Variants in RBFOX1 observed in about 807,000 individuals in gnomAD.
RBFOX1 encodes the protein RNA binding fox-1 homolog 1.
In RBFOX1, 8 loss-of-function variants were observed where a neutral mutation model predicts 57.7. That is an observed-to-expected ratio of 0.14 (90% CI 0.08 to 0.25). The LOEUF (loss-of-function observed/expected upper bound fraction) is 0.25, where lower values mean the gene tolerates loss of function less well. RBFOX1 is among the 10% of genes least tolerant of loss of function. RBFOX1 has a pLI of 1.00. For synonymous variants in RBFOX1, 326 were observed against 222.4 expected (o/e 1.47, Z -4.15); for missense variants, 611 against 548.5 (o/e 1.11, Z -1.14).
In RBFOX1 at chr16:5,946,582, A is replaced by G. The variant is rs1359198903; in HGVS notation, c.351+79247A>G. Reference sequence around the variant, plus strand: ...TTTTCCAACTGGGTGTTCCTGAGTTATATCCTTTACGATATACCGGTAATA... The same window carrying G: ...TTTTCCAACTGGGTGTTCCTGAGTTGTATCCTTTACGATATACCGGTAATA... On this transcript the variant is annotated intron_variant, in intron 4 of 19. Coordinates refer to the RBFOX1 transcript ENST00000641259. This position sits in a 1 kb window ranked among gnomAD's most constrained non-coding sequence, Gnocchi z 4.6. Among the ~76,000 whole-genome samples, 3 of 152,120 alleles carry G rather than the reference A, an allele frequency of 2.0e-5. No individual in the cohort carries two copies. The East Asian group carries it at 5.8e-4, about 29-fold the overall frequency.
chr16:6,001,791 T>A (rs1274785295), intron 4 of RBFOX1, among the ~76,000 whole-genome samples: 1 of 152,046 alleles, frequency 6.6e-6, no homozygotes, highest in East Asian at 1.9e-4. Flanking sequence ...ATGAGGGTGG[T>A]GCACAGATGA....
intron 2 of RBFOX1, among the ~76,000 whole-genome samples, chr16:6,626,971 GCA>G (rs571432409): frequency 6.6e-4 from 100 of 152,258 alleles, no homozygotes; most frequent in African/African-American, 2.2e-3. Flanking sequence ...TATCCTCCAT[GCA>G]CAGTTTATAG....
intron 4 of RBFOX1, among the ~76,000 whole-genome samples, chr16:5,972,530 C>T (rs766642610): frequency 1.3e-5 from 2 of 152,144 alleles, no homozygotes; most frequent in Non-Finnish European, 2.9e-5. Flanking sequence ...GGAGTTGGCC[C>T]TTATGGCTAA....
intron 4 of RBFOX1, among the ~76,000 whole-genome samples, chr16:5,955,936 G>C (rs1307864936): frequency 6.6e-6 from 1 of 152,172 alleles, no homozygotes; most frequent in Admixed American, 6.5e-5. Context: ...AAATGTTGGT[G>C]AGGATATTTG....
In RBFOX1 at chr16:5,469,948, C is replaced by A. The variant is rs79361809; in HGVS notation, c.258+2694C>A. Among the ~76,000 whole-genome samples the A allele has an allele frequency of 9.9e-3, 1,511 of 152,242 alleles. 19 individuals carry two copies. The highest frequency in any genetic ancestry group is 0.035 in the African/African-American group (1,442 of 41,528). ...CCTTTTGTCTATTGCAAAGAGTGTG[C>A]CACCATAAACATTTGTGCCCATGTA... On this transcript the variant is annotated intron_variant, in intron 2 of 2. Transcript: ENST00000585867.
At chr16:7,242,733 C>A (rs144359746) in intron 4 of RBFOX1, among the ~76,000 whole-genome samples, 1 of 152,166 alleles carries the variant, frequency 6.6e-6, no homozygotes, top group Non-Finnish European at 1.5e-5. Flanking sequence ...TGAGTGGCCA[C>A]GTGCATGATG....
chr16:6,119,692 T>C (rs2096533932), intron 1 of RBFOX1, among the ~76,000 whole-genome samples: 1 of 152,210 alleles, frequency 6.6e-6, no homozygotes, highest in Non-Finnish European at 1.5e-5. Flanking sequence ...GTGGCTCAAA[T>C]CATTCCACAG....
In RBFOX1 at chr16:5,947,134, T is replaced by G. The variant is rs77165349; in HGVS notation, c.351+79799T>G. On this transcript the variant is annotated intron_variant, in intron 4 of 19. Coordinates refer to the RBFOX1 transcript ENST00000641259. This position sits in a 1 kb window ranked among gnomAD's most constrained non-coding sequence, Gnocchi z 7.2. ...AGGAGGCTGAGGTAGGAGGATCATG[T>G]GAACTCAGGAGGTTGAGGTTGCAGC... Among the ~76,000 whole-genome samples, 2,285 of 152,244 alleles carry G rather than the reference T, an allele frequency of 0.015. 48 individuals are homozygous for G. The highest frequency in any genetic ancestry group is 0.052 in the African/African-American group (2,164 of 41,528).
At chr16:5,890,182 G>A (rs1240349718) in intron 4 of RBFOX1, among the ~76,000 whole-genome samples, 1 of 152,154 alleles carries the variant, frequency 6.6e-6, no homozygotes, top group Non-Finnish European at 1.5e-5. Context: ...ATGTGCTTAA[G>A]TACGATACTG....
chr16:7,069,597 T>C (rs2056896429), intron 4 of RBFOX1, among the ~76,000 whole-genome samples: 1 of 152,194 alleles, frequency 6.6e-6, no homozygotes, highest in Admixed American at 6.5e-5. Context: ...TTTCACGGCC[T>C]GGGTAAGCAA....
At chr16:6,785,233 C>T (rs982234772) in intron 3 of RBFOX1, among the ~76,000 whole-genome samples, 1 of 152,100 alleles carries the variant, frequency 6.6e-6, no homozygotes, top group Non-Finnish European at 1.5e-5. Context: ...ATCTCCCAGT[C>T]CGTTCGTAAC....
chr16:6,141,804 C>G (rs1382531085), intron 1 of RBFOX1, among the ~76,000 whole-genome samples: 1 of 152,090 alleles, frequency 6.6e-6, no homozygotes, highest in East Asian at 1.9e-4. Context: ...AATCTGTAAT[C>G]TCAGCACACT....
At chr16:6,432,090 A>T (rs1260642651) in intron 2 of RBFOX1, among the ~76,000 whole-genome samples, 2 of 152,096 alleles carry the variant, frequency 1.3e-5, no homozygotes, top group African/African-American at 2.4e-5. Context: ...GCCTCCCAAG[A>T]AGATGAGACT....
chr16:6,680,246 C>G (rs1395874885), intron 3 of RBFOX1, among the ~76,000 whole-genome samples: 2 of 148,506 alleles, frequency 1.3e-5, no homozygotes, highest in Non-Finnish European at 3.0e-5. Context: ...GAGTATGATT[C>G]CTGTCTTTGC....
Position 6,681,600 on chromosome 16 carries a change from A to G in RBFOX1, c.-16+26950A>G, listed in dbSNP as rs1177043025. Among the ~76,000 whole-genome samples, 7 of 152,210 alleles carry G rather than the reference A, an allele frequency of 4.6e-5. No homozygotes were observed. The East Asian group carries it at 1.4e-3, about 29-fold the overall frequency. On this transcript the variant is annotated intron_variant, in intron 3 of 15. Transcript: ENST00000550418. ...TGTTGTTAATTTGGCCCGTTAGTTA[A>G]AGCCGTAAACAAAGAAATAAGCAAT...
chr16:5,889,140 C>T (rs1195308893), intron 4 of RBFOX1, among the ~76,000 whole-genome samples: 1 of 152,138 alleles, frequency 6.6e-6, no homozygotes, highest in Non-Finnish European at 1.5e-5. Context: ...GATGTGCAGG[C>T]TTGTAAATGT....
chr16:5,877,845 C>T (rs1157234026), intron 4 of RBFOX1, among the ~76,000 whole-genome samples: 1 of 152,188 alleles, frequency 6.6e-6, no homozygotes, highest in African/African-American at 2.4e-5. Flanking sequence ...GGCAGTAAGT[C>T]CTGGGTGTTC....
intron 1 of RBFOX1, among the ~76,000 whole-genome samples, chr16:5,452,724 A>G (rs938776478): frequency 6.6e-6 from 1 of 151,184 alleles, no homozygotes; most frequent in South Asian, 2.1e-4. Context: ...GCTCACTGCA[A>G]CCTCCGCCTC....
intron 4 of RBFOX1, among the ~76,000 whole-genome samples, chr16:5,955,145 A>G (rs1200294817): frequency 1.7e-5 from 2 of 120,814 alleles, no homozygotes; most frequent in African/African-American, 3.3e-5. Context: ...AAAAAAAAAA[A>G]GCCAGGCGCA....
Sources: allele counts gnomAD v4.1 joint callset (sites outside exome capture counted in the v4.1 genomes callset), GRCh38; gene constraint gnomAD v4.1.1; non-coding constraint Gnocchi (gnomAD v3.1); transcripts MANE v1.5; gene names NCBI Gene and HGNC (gene_info 2026-07-23, HGNC 2026-07-21).